The following COMMD10 variants were observed in gnomAD, a reference collection of about 807,000 sequenced individuals.
COMMD10 encodes COMM domain-containing protein 10.
In COMMD10, 33 loss-of-function variants were observed where a neutral mutation model predicts 28.9. The observed-to-expected ratio is 1.14, with a 90% CI of 0.87 to 1.53. COMMD10 has a LOEUF of 1.53. COMMD10 is among the 40% of genes most tolerant of loss of function. The probability of loss-of-function intolerance (pLI) is 0.00; values close to 1 mark genes in which losing one functional copy is unlikely to be tolerated. For missense variants in COMMD10, 310 were observed against 233.4 expected (o/e 1.33, Z -2.14); for synonymous variants, 110 against 81.7 (o/e 1.35, Z -1.87).
intron 5 of COMMD10, among the ~76,000 whole-genome samples, chr5:116,260,569 G>T (rs1292385174): frequency 6.6e-6 from 1 of 151,766 alleles, no homozygotes; most frequent in Non-Finnish European, 1.5e-5. Flanking sequence ...CTTTAATGGA[G>T]ATCACAAAAG....
At chr5:116,233,692 A>G (rs1461895449) in intron 5 of COMMD10, among the ~76,000 whole-genome samples, 1 of 152,160 alleles carries the variant, frequency 6.6e-6, no homozygotes, top group Non-Finnish European at 1.5e-5. Flanking sequence ...CATTCCAGGT[A>G]AAGAAATCAG....
intron 5 of COMMD10, among the ~76,000 whole-genome samples, chr5:116,150,884 C>G (rs1374623491): frequency 6.6e-6 from 1 of 150,446 alleles, no homozygotes; most frequent in Non-Finnish European, 1.5e-5. Context: ...GCCAGAACTT[C>G]CAACACTATG....
chr5:116,196,854 T>G (rs992194391), intron 5 of COMMD10, among the ~76,000 whole-genome samples: 1 of 152,136 alleles, frequency 6.6e-6, no homozygotes, highest in Non-Finnish European at 1.5e-5. Context: ...TTCAAATTTA[T>G]CAGTAAGACA....
At chr5:116,123,266 A>G (rs546338170) in intron 4 of COMMD10, among the ~76,000 whole-genome samples, 1 of 152,116 alleles carries the variant, frequency 6.6e-6, no homozygotes, top group African/African-American at 2.4e-5. Flanking sequence ...TTATTGAGTG[A>G]TTTTAGCATG....
chr5:116,273,555 A>G (rs1229266426), intron 5 of COMMD10, among the ~76,000 whole-genome samples: 1 of 151,892 alleles, frequency 6.6e-6, no homozygotes, highest in Non-Finnish European at 1.5e-5. Context: ...GGCCTAGGTC[A>G]CAAAACTCAT....
At chr5:116,181,471 A>G (rs1458949523) in intron 5 of COMMD10, among the ~76,000 whole-genome samples, 1 of 150,682 alleles carries the variant, frequency 6.6e-6, no homozygotes, top group East Asian at 1.9e-4. Context: ...AAATCAGAGC[A>G]GTTTAAACCT....
At chr5:116,158,861 TTC>T (rs1491512228) in intron 5 of COMMD10, among the ~76,000 whole-genome samples, 2 of 151,818 alleles carry the variant, frequency 1.3e-5, no homozygotes, top group Admixed American at 6.6e-5. Context: ...GTTTTTTTTT[TTC>T]CCCCCCTGAG....
At chr5:116,204,053 A>C (rs953039569) in intron 5 of COMMD10, among the ~76,000 whole-genome samples, 1 of 152,132 alleles carries the variant, frequency 6.6e-6, no homozygotes, top group East Asian at 1.9e-4. Context: ...AAGATCTCCC[A>C]AGCAAATGGA....
intron 4 of COMMD10, among the ~76,000 whole-genome samples, chr5:116,116,733 A>G (rs1366917311): frequency 1.6e-5 from 2 of 123,624 alleles, no homozygotes; most frequent in Admixed American, 9.8e-5. Flanking sequence ...TTTTTTTGAG[A>G]CGGAGTCTCG....
intron 5 of COMMD10, among the ~76,000 whole-genome samples, chr5:116,219,894 A>T (rs1187463008): frequency 6.6e-6 from 1 of 151,990 alleles, no homozygotes; most frequent in African/African-American, 2.4e-5. Context: ...TCTTTCTGGT[A>T]TTTTTTTCAA....
rs185443993 is a variant in COMMD10, at chr5:116,234,274, T to C, written c.511-57243T>C. On this transcript the variant is annotated intron_variant, in intron 5 of 6. Transcript: ENST00000274458. Reference sequence around the variant, plus strand: ...TATCAAGGAAAGACAGAGAAAGCCATTGGACACCTATGTCAATCAACTAGG... The same window carrying C: ...TATCAAGGAAAGACAGAGAAAGCCACTGGACACCTATGTCAATCAACTAGG... Among the ~76,000 whole-genome samples, 7 of 152,270 alleles carry C rather than the reference T, an allele frequency of 4.6e-5. No individual in the cohort carries two copies. In the East Asian group the frequency reaches 9.7e-4, roughly 21 times the overall value.
chr5:116,230,188 C>T lies in COMMD10; in HGVS notation c.511-61329C>T, dbSNP rs575298743. On this transcript the variant is annotated intron_variant, in intron 5 of 6. Transcript: ENST00000274458. ...TCTCCTTAGCTTTGTATAAGGAAGC[C>T]ATGTAACAAAGCAGCCTTACTACGT... is the stretch of plus-strand genomic sequence containing the variant. Among the ~76,000 whole-genome samples the T allele has an allele frequency of 3.8e-4, 57 of 151,894 alleles. 1 individual carries two copies. Among genetic ancestry groups the T allele is most frequent in the South Asian group, 3.7e-3 (17 of 4,638 alleles).
intron 5 of COMMD10, among the ~76,000 whole-genome samples, chr5:116,153,997 G>T (rs4593303): frequency 0.29 from 44,705 of 151,870 alleles, 8,654 homozygotes; most frequent in African/African-American, 0.56. Context: ...GATTTTATTA[G>T]AGCTTAGCCA....
At chr5:116,213,147 AGG>A (rs796626597) in intron 5 of COMMD10, among the ~76,000 whole-genome samples, 10 of 152,194 alleles carry the variant, frequency 6.6e-5, no homozygotes, top group African/African-American at 2.2e-4. Flanking sequence ...AAGGAGCCCT[AGG>A]GTATGAAAAA....
chr5:116,128,703 C>G (rs778192450), intron 4 of COMMD10, among the ~76,000 whole-genome samples: 1 of 151,856 alleles, frequency 6.6e-6, no homozygotes, highest in Non-Finnish European at 1.5e-5. Context: ...ATAGGTCTGG[C>G]AAATAATATA....
chr5:116,166,211 A>C (rs552862801), intron 5 of COMMD10, among the ~76,000 whole-genome samples: 1 of 150,734 alleles, frequency 6.6e-6, no homozygotes, highest in East Asian at 1.9e-4. Flanking sequence ...GGGAAAATAT[A>C]TTTTGAACCA....
chr5:116,168,670 A>G (rs1753215978), intron 5 of COMMD10, among the ~76,000 whole-genome samples: 1 of 152,254 alleles, frequency 6.6e-6, no homozygotes, highest in Non-Finnish European at 1.5e-5. Context: ...CTCAAGATTA[A>G]GAAACTCACT....
intron 5 of COMMD10, among the ~76,000 whole-genome samples, chr5:116,237,797 T>C (rs1298902509): frequency 6.6e-6 from 1 of 152,176 alleles, no homozygotes; most frequent in East Asian, 1.9e-4. Context: ...TTCTTGCAAG[T>C]TAGCAGTGGT....
In COMMD10 at chr5:116,127,525, C is replaced by T. The variant is rs568521668; in HGVS notation, c.400-6543C>T. ...TCAATAGCAAAGACTTGGAAGCAACCCAAATTTCCGTCAATGATAGACTGG... is the reference window on the plus strand; with the variant it reads ...TCAATAGCAAAGACTTGGAAGCAACTCAAATTTCCGTCAATGATAGACTGG... On this transcript the variant is annotated intron_variant, in intron 4 of 6. Transcript: ENST00000274458. 1.9e-3 allele frequency among the ~76,000 whole-genome samples: 287 copies of T among 152,220 alleles called. 3 individuals carry two copies. The highest frequency in any genetic ancestry group is 1.7e-3 in the Non-Finnish European group (115 of 68,016).
Sources: gnomAD v4.1 joint callset for allele counts (sites outside exome capture counted in the v4.1 genomes callset) on GRCh38, gnomAD v4.1.1 for gene constraint, MANE v1.5 for transcripts, NCBI Gene and HGNC (gene_info 2026-07-23, HGNC 2026-07-21) for gene names.